The following CCBE1 variants were observed in gnomAD, a reference collection of about 807,000 sequenced individuals.
CCBE1 encodes the protein collagen and calcium binding EGF domains 1.
A neutral mutation model predicts 50.0 loss-of-function variants in CCBE1; 37 were observed. The observed-to-expected ratio is 0.74, with a 90% CI of 0.57 to 0.97. CCBE1 has a LOEUF of 0.97. Ranked by LOEUF, CCBE1 falls within the 50% of genes least tolerant of loss-of-function variation. The pLI is 0.00. For synonymous variants in CCBE1, 234 were observed against 203.7 expected (o/e 1.15, Z -1.27); for missense variants, 538 against 523.8 (o/e 1.03, Z -0.26).
intron 2 of CCBE1, among the ~76,000 whole-genome samples, chr18:59,501,353 A>T (rs995003185): frequency 6.6e-6 from 1 of 152,184 alleles, no homozygotes; most frequent in Non-Finnish European, 1.5e-5. Context: ...CCAAACTGGG[A>T]AAGAAAAGTG....
chr18:59,661,591 A>G (rs1255227647), intron 2 of CCBE1, among the ~76,000 whole-genome samples: 1 of 152,204 alleles, frequency 6.6e-6, no homozygotes, highest in Admixed American at 6.5e-5. Flanking sequence ...TGAGGTTCCC[A>G]TAAGCCTCTG....
chr18:59,551,150 C>T (rs147473047), intron 2 of CCBE1, among the ~76,000 whole-genome samples: 1 of 152,030 alleles, frequency 6.6e-6, no homozygotes, highest in African/African-American at 2.4e-5. Flanking sequence ...AGCATACTTA[C>T]ACAAACCTAG....
chr18:59,685,461 C>G (rs1260040282), intron 2 of CCBE1, among the ~76,000 whole-genome samples: 2 of 152,224 alleles, frequency 1.3e-5, no homozygotes, highest in Non-Finnish European at 2.9e-5. Context: ...ACAAGAGACC[C>G]TGGCTTAGTG....
chr18:59,683,253 A>T (rs534241659), intron 2 of CCBE1, among the ~76,000 whole-genome samples: 78 of 152,358 alleles, frequency 5.1e-4, no homozygotes, highest in Non-Finnish European at 9.1e-4. Flanking sequence ...AAACGCAGAC[A>T]TCACCTCAAT....
In CCBE1 at chr18:59,551,015, AAAAAAAAAAAAAAAGAAAAG is replaced by A. The variant is rs1568201597; in HGVS notation, c.213-70797_213-70778del. On this transcript the variant is annotated intron_variant, in intron 2 of 10. Coordinates refer to ENST00000439986, the MANE Select transcript of CCBE1 (RefSeq NM_133459.4). ...GCGAGACTCAAAAAAAAAAAAAAAAAAAAAAAAAAAAAAAGAAAAGAAAAGAAAAGAAAAAAAAGAAAAAA... is the reference window on the plus strand; with the variant it reads ...GCGAGACTCAAAAAAAAAAAAAAAAAAAAAGAAAAGAAAAAAAAGAAAAAA... 5.7e-5 allele frequency among the ~76,000 whole-genome samples: 7 copies of A among 122,650 alleles called. No individual in the cohort carries two copies. In the South Asian group the frequency reaches 1.8e-3, roughly 32 times the overall value. 80.5% of individuals were successfully genotyped at this position (122,650 alleles called of 152,430 possible).
In CCBE1 at chr18:59,696,784, C is replaced by T. The variant is rs1224529207; in HGVS notation, c.132-75G>A. 2.7e-6 allele frequency: 4 copies of T among 1,507,770 alleles called. No homozygotes were observed. The African/African-American group carries it at 5.5e-5, about 21-fold the overall frequency. 93.4% of individuals were successfully genotyped at this position (1,507,770 alleles called of 1,614,324 possible). On this transcript the variant is annotated intron_variant, in intron 1 of 10. Coordinates refer to ENST00000439986, the MANE Select transcript of CCBE1 (RefSeq NM_133459.4). ...GCGGGCAGCGCGCGCTGGGGAATCC[C>T]TGGCGCGTGGGGATCGCCAGGCTCC...
At chr18:59,516,573 G>T (rs1040132755) in intron 2 of CCBE1, among the ~76,000 whole-genome samples, 10 of 152,160 alleles carry the variant, frequency 6.6e-5, no homozygotes, top group Non-Finnish European at 1.0e-4. Flanking sequence ...AGTCCAGGGG[G>T]TCACTGCAGT....
chr18:59,477,808 T>C (rs1912384878), intron 3 of CCBE1, among the ~76,000 whole-genome samples: 1 of 152,136 alleles, frequency 6.6e-6, no homozygotes, highest in South Asian at 2.1e-4. Flanking sequence ...ACATACAACT[T>C]TGTTATTGCC....
chr18:59,610,129 G>T (rs1285433109), intron 2 of CCBE1, among the ~76,000 whole-genome samples: 1 of 152,182 alleles, frequency 6.6e-6, no homozygotes, highest in Non-Finnish European at 1.5e-5. Flanking sequence ...AAAAGTAGAG[G>T]AAAGTACATG....
At chr18:59,681,549 C>G (rs575018415) in intron 2 of CCBE1, among the ~76,000 whole-genome samples, 1 of 152,148 alleles carries the variant, frequency 6.6e-6, no homozygotes, top group African/African-American at 2.4e-5. Context: ...GATACTTCAC[C>G]CTGTGTTCTG....
At chr18:59,672,851 G>A (rs199639395) in intron 2 of CCBE1, among the ~76,000 whole-genome samples, 2 of 152,250 alleles carry the variant, frequency 1.3e-5, no homozygotes, top group East Asian at 3.9e-4. Flanking sequence ...GGACTGCGGT[G>A]GGGGGAAGGG....
At chr18:59,541,986 G>A (rs990492840) in intron 2 of CCBE1, among the ~76,000 whole-genome samples, 6 of 152,038 alleles carry the variant, frequency 3.9e-5, no homozygotes, top group African/African-American at 1.4e-4. Context: ...AGACTGGCTT[G>A]GGCAACATGG....
intron 2 of CCBE1, among the ~76,000 whole-genome samples, chr18:59,612,068 G>A (rs1215937110): frequency 6.6e-6 from 1 of 152,154 alleles, no homozygotes; most frequent in Non-Finnish European, 1.5e-5. Context: ...TAAGCAGGAA[G>A]CCTACAGCAT....
intron 2 of CCBE1, among the ~76,000 whole-genome samples, chr18:59,546,981 C>T (rs1598999919): frequency 1.4e-5 from 2 of 141,414 alleles, no homozygotes; most frequent in Admixed American, 7.8e-5. Flanking sequence ...GTGAGAATTA[C>T]ATGGGGTTTA....
intron 2 of CCBE1, among the ~76,000 whole-genome samples, chr18:59,642,948 C>CAAAAAAAAAAAAAAA (rs10683687): frequency 1.1e-5 from 1 of 94,168 alleles, no homozygotes; most frequent in African/African-American, 4.1e-5. Flanking sequence ...GACTCCACCT[C>CAAAAAAAAAAAAAAA]AAAAAAAAAA....
chr18:59,697,388 C>T lies in CCBE1; in HGVS notation c.-46G>A. 6.5e-7 allele frequency: 1 copy of T among 1,534,206 alleles called. No homozygotes were observed. The highest frequency in any genetic ancestry group is 1.4e-5 in the African/African-American group (1 of 72,724). ...TCCCAGCGCCGAGCTCCGTCCGGAC[C>T]AAGCGTCCTGCTCCTCCGCGGCCGC... On this transcript the variant is annotated 5_prime_UTR_variant, in exon 1 of 11. Coordinates refer to ENST00000439986, the MANE Select transcript of CCBE1 (RefSeq NM_133459.4).
rs147697274 is a variant in CCBE1, at chr18:59,487,390, A to G, written c.213-7152T>C. ...TTAGTATGAGGAATCTTTCTTTTCAATGTTCTTCCCTTGCTGAAATCTTTA... is the reference window on the plus strand; with the variant it reads ...TTAGTATGAGGAATCTTTCTTTTCAGTGTTCTTCCCTTGCTGAAATCTTTA... On this transcript the variant is annotated intron_variant, in intron 2 of 10. Transcript: ENST00000439986. Among the ~76,000 whole-genome samples, 516 of 152,182 alleles carry G rather than the reference A, an allele frequency of 3.4e-3. 3 individuals carry two copies. The highest frequency in any genetic ancestry group is 0.012 in the African/African-American group (488 of 41,510).
At chr18:59,449,450 T>C (rs116872520) in intron 6 of CCBE1, among the ~76,000 whole-genome samples, 38 of 151,770 alleles carry the variant, frequency 2.5e-4, no homozygotes, top group African/African-American at 8.9e-4. Flanking sequence ...GGTGGAACAC[T>C]ATCTCCACTA....
chr18:59,476,247 G>A (rs1004184624), intron 3 of CCBE1, among the ~76,000 whole-genome samples: 1 of 152,226 alleles, frequency 6.6e-6, no homozygotes, highest in East Asian at 1.9e-4. Flanking sequence ...CACTGTGCCC[G>A]ATGCACAGTA....
Sources: gnomAD v4.1 joint callset for allele counts (sites outside exome capture counted in the v4.1 genomes callset) on GRCh38, gnomAD v4.1.1 for gene constraint, MANE v1.5 for transcripts, NCBI Gene and HGNC (gene_info 2026-07-23, HGNC 2026-07-21) for gene names.